The following COL6A1 variants were observed in gnomAD, a reference collection of about 807,000 sequenced individuals.
COL6A1 encodes collagen type VI alpha 1 chain.
COL6A1 carries 80 observed loss-of-function variants against 145.6 expected under a neutral mutation model. The observed-to-expected ratio is 0.55, with a 90% confidence interval of 0.46 to 0.66. The LOEUF is 0.66. Ranked by LOEUF, COL6A1 falls within the 30% of genes least tolerant of loss-of-function variation. The pLI is 0.00. For missense variants in COL6A1, 1,364 were observed against 1,473.8 expected, an observed-to-expected ratio of 0.93 and a Z score of 1.22; for synonymous variants, 638 against 622.8, an observed-to-expected ratio of 1.02 and a Z score of -0.36.
chr21:46,001,396 C>T lies in COL6A1; in HGVS notation c.1956+10C>T, dbSNP rs1256995213. ...GGACGAGCTGGTCAAGGTGAGGCCT[C>T]GCCCCGCCCGGCTTTCTCAAGCCCA... On this transcript the variant is annotated intron_variant, in intron 30 of 34. Coordinates refer to ENST00000361866, the MANE Select transcript of COL6A1 (RefSeq NM_001848.3). 4 of 1,609,608 alleles carry T rather than the reference C, an allele frequency of 2.5e-6. No individual in the cohort carries two copies. Among genetic ancestry groups the T allele is most frequent in the South Asian group, 2.2e-5 (2 of 91,076 alleles).
At chr21:46,001,883 G>T in intron 30 of COL6A1, 78 bp from the exon 31 acceptor site, 2 of 1,304,456 alleles carry the variant, frequency 1.5e-6, no homozygotes, top group Non-Finnish European at 2.2e-6. Flanking sequence ...GGCACCCGCA[G>T]CCAATAGAGT....
intron 29 of COL6A1, 152 bp downstream of exon 29, chr21:46,000,919 G>A (rs1048787401): frequency 9.0e-6 from 9 of 1,004,230 alleles, no homozygotes; most frequent in African/African-American, 3.2e-5. Context: ...CCTGCTCCAA[G>A]CCAGCAGGGT....
chr21:45,985,123 CAGACAGAG>C (rs1281858217), intron 3 of COL6A1, among the ~76,000 whole-genome samples: 1 of 145,672 alleles, frequency 6.9e-6, no homozygotes, highest in African/African-American at 2.6e-5. Context: ...CAGAGACAGG[CAGACAGAG>C]AGACAGAGAC....
chr21:45,997,614 A>T, intron 21 of COL6A1, 86 bp from the exon 22 acceptor site: 1 of 1,538,612 alleles, frequency 6.5e-7, no homozygotes, highest in South Asian at 1.2e-5. Flanking sequence ...TCCCGATGGG[A>T]CCTCTCCCGG....
chr21:45,987,157 A>T lies in COL6A1; in HGVS notation c.720A>T (p.Lys240Asn). 10 of 1,599,240 alleles carry T rather than the reference A, an allele frequency of 6.3e-6. No individual in the cohort carries two copies. The highest frequency in any genetic ancestry group is 8.5e-6 in the Non-Finnish European group (10 of 1,176,328). ...TGCGTTTCCATTTCTCTTTCCAGAAAAATAACGTGGAGCAAGTGGTAAGAG... is the reference window on the plus strand; with the variant it reads ...TGCGTTTCCATTTCTCTTTCCAGAATAATAACGTGGAGCAAGTGGTAAGAG... ...QTIDTIVDMI[K>N]NNVEQVCCSF... Residue 240 changes from lysine to asparagine, a missense_variant and splice_region_variant, in exon 6 of 35, where the codon AAA becomes AAT. Physicochemically the swap from Lys to Asn is moderately conservative, Grantham distance 94 (BLOSUM62 0). This residue lies in a region of COL6A1 where 414 missense variants were observed against 437.6 expected (regional missense o/e 0.95). Coordinates refer to ENST00000361866, the MANE Select transcript of COL6A1 (RefSeq NM_001848.3).
chr21:45,986,353 CG>C (rs1603589908), intron 3 of COL6A1, among the ~76,000 whole-genome samples, 172 bp from the exon 4 acceptor site: 1 of 152,258 alleles, frequency 6.6e-6, no homozygotes, highest in East Asian at 1.9e-4. Flanking sequence ...GACCCACAGG[CG>C]TTATTTCCCA....
chr21:45,995,688 A>G (rs562071021), intron 20 of COL6A1, among the ~76,000 whole-genome samples: 1 of 152,190 alleles, frequency 6.6e-6, no homozygotes, highest in Non-Finnish European at 1.5e-5. Context: ...GGCAGGCTGC[A>G]CAGGGGCTGG....
chr21:45,998,314 G>A, intron 23 of COL6A1, 84 bp from the exon 24 acceptor site: 1 of 1,596,202 alleles, frequency 6.3e-7, no homozygotes, highest in South Asian at 1.1e-5. Flanking sequence ...GATTCTGTCA[G>A]CTCAGGCCCT....
rs138312247 is a variant in COL6A1 at position 46,002,054 on chromosome 21, G to A, written c.2050G>A (p.Val684Met). Residue 684 changes from valine (V) to methionine (M), a missense_variant, in exon 31 of 35, where the codon GTG becomes ATG. This residue lies in a region of COL6A1 where 938 missense variants were observed against 1,003.8 expected (regional missense o/e 0.93). Transcript: ENST00000361866. ...CCTGCGCAGCCCCAGCATCCGGAAC[G>A]TGCAGGAGCTCAAGGAGTGAGTGCC... ...VSLRSPSIRN[V>M]QELKEAIKSL... The A allele has an allele frequency of 2.4e-5, 38 of 1,611,704 alleles. No individual in the cohort carries two copies. The highest frequency in any genetic ancestry group is 6.6e-5 in the South Asian group (6 of 90,782).
intron 20 of COL6A1, among the ~76,000 whole-genome samples, chr21:45,995,875 A>T (rs1366490061): frequency 6.6e-6 from 1 of 152,160 alleles, no homozygotes; most frequent in Non-Finnish European, 1.5e-5. Context: ...GGGTGTGGAT[A>T]GGTGGCTTTG....
At chr21:45,982,053 C>G in intron 1 of COL6A1, 106 bp downstream of exon 1, 1 of 923,660 alleles carries the variant, frequency 1.1e-6, no homozygotes. Context: ...AGACTGGGGG[C>G]CTGGAGCCCC....
Position 45,999,186 on chromosome 21 carries a change from G to T in COL6A1, c.1708G>T (p.Ala570Ser). Residue 570 changes from alanine to serine, a missense_variant, in exon 26 of 35, where the codon GCA becomes TCA. Physicochemically the swap from Ala to Ser is moderately conservative, Grantham distance 99. Coordinates refer to ENST00000361866, the MANE Select transcript of COL6A1 (RefSeq NM_001848.3). ...NDIAPRGVKG[A>S]KGYRGPEGPQ... ...CATTGCACCCCGAGGAGTCAAAGGA[G>T]CAAAGGGGTACCGGGGTCCCGAGGG... 1.2e-6 allele frequency: 2 copies of T among 1,603,046 alleles called. No individual in the cohort carries two copies. Among genetic ancestry groups the T allele is most frequent in the African/African-American group, 1.3e-5 (1 of 74,980 alleles).
In COL6A1 at chr21:46,004,727, G is replaced by A. The variant is rs778427300; in HGVS notation, c.*714G>A. 1 of 450,394 alleles carries A rather than the reference G, an allele frequency of 2.2e-6. No homozygotes were observed. The highest frequency in any genetic ancestry group is 1.6e-5 in the South Asian group (1 of 63,752). The allele number at this position is 450,394 out of a possible 1,614,324, so 27.9% of individuals were successfully genotyped here. A position where few individuals can be genotyped will look rare whatever the true frequency, so the allele number is the denominator to read the frequency against. On this transcript the variant is annotated 3_prime_UTR_variant, in exon 35 of 35. Transcript: ENST00000361866. ...CCCTACAGCCCTGGAGGCCGCTGCTGACCAGCACTGACCCCGACCTCAGAG... is the reference window on the plus strand; with the variant it reads ...CCCTACAGCCCTGGAGGCCGCTGCTAACCAGCACTGACCCCGACCTCAGAG...
intron 3 of COL6A1, among the ~76,000 whole-genome samples, chr21:45,985,775 C>T (rs903312691): frequency 2.0e-5 from 3 of 152,230 alleles, no homozygotes; most frequent in Non-Finnish European, 2.9e-5. Context: ...GCCACATGGC[C>T]GGTGTGGGCC....
intron 3 of COL6A1, among the ~76,000 whole-genome samples, chr21:45,985,253 CAGAAAT>C (rs2077732623): frequency 1.3e-5 from 2 of 148,502 alleles, no homozygotes; most frequent in Admixed American, 6.7e-5. Flanking sequence ...GAGACAGAGA[CAGAAAT>C]AGAGAGATAG....
intron 6 of COL6A1, 129 bp downstream of exon 6, chr21:45,987,304 T>C: frequency 6.6e-7 from 1 of 1,519,050 alleles, no homozygotes; most frequent in Non-Finnish European, 9.0e-7. Flanking sequence ...CCCCTGCGTG[T>C]CTGCCCGTGT....
chr21:45,990,490 AGTGGACGGCGTGAAGGTGACCCG>A lies in COL6A1; in HGVS notation c.1002+70_1002+92del. 4 of 201,092 alleles carry A rather than the reference AGTGGACGGCGTGAAGGTGACCCG, an allele frequency of 2.0e-5. 1 individual carries two copies. Among genetic ancestry groups the A allele is most frequent in the Non-Finnish European group, 3.5e-5 (4 of 114,514 alleles). 12.5% of individuals were successfully genotyped at this position (201,092 alleles called of 1,614,324 possible). ...AATGGGGCGAGATGGGGAGGGACGG[AGTGGACGGCGTGAAGGTGACCCG>A]GGGAGGGATGGGGTGGACAGTGTGA... On this transcript the variant is annotated intron_variant, in intron 13 of 34. Coordinates refer to ENST00000361866, the MANE Select transcript of COL6A1 (RefSeq NM_001848.3).
rs55726338 is a variant in COL6A1 at position 45,991,302 on chromosome 21, G to A, written c.1119+261G>A. Reference sequence around the variant, plus strand: ...TCAGGCCTCCGCCATTCTGTCCCCCGCACCTGCCGCTCGCTCGGCACAGAT... The same window carrying A: ...TCAGGCCTCCGCCATTCTGTCCCCCACACCTGCCGCTCGCTCGGCACAGAT... On this transcript the variant is annotated intron_variant, in intron 15 of 34. Transcript: ENST00000361866. 0.12 allele frequency among the ~76,000 whole-genome samples: 18,381 copies of A among 152,264 alleles called. 1,316 individuals carry two copies. The highest frequency in any genetic ancestry group is 0.22 in the South Asian group (1,079 of 4,828).
chr21:45,984,639 C>T (rs1237656965), intron 3 of COL6A1, among the ~76,000 whole-genome samples, 170 bp downstream of exon 3: 1 of 152,138 alleles, frequency 6.6e-6, no homozygotes, highest in Non-Finnish European at 1.5e-5. Flanking sequence ...CGGAGACAGA[C>T]AGAGACAGAG....
Sources: allele counts gnomAD v4.1 joint callset (sites outside exome capture counted in the v4.1 genomes callset), GRCh38; gene constraint gnomAD v4.1.1; regional missense constraint gnomAD v4.1.1; transcripts MANE v1.5; gene names NCBI Gene and HGNC (gene_info 2026-07-23, HGNC 2026-07-21).